The following DCDC2 variants were observed in gnomAD, a reference collection of about 807,000 sequenced individuals.
DCDC2 encodes the protein doublecortin domain-containing protein 2.
DCDC2 carries 40 observed loss-of-function variants against 50.2 expected under a neutral mutation model. That is an observed-to-expected ratio of 0.80 (90% confidence interval 0.62 to 1.04). The LOEUF (loss-of-function observed/expected upper bound fraction) is 1.04. Ranked by LOEUF, DCDC2 falls within the 50% of genes least tolerant of loss-of-function variation. The pLI, the probability that DCDC2 is intolerant of heterozygous loss-of-function variation, is 0.00. For synonymous variants in DCDC2, 234 were observed against 210.6 expected (o/e 1.11, Z -0.96); for missense variants, 570 against 581.9 (o/e 0.98, Z 0.21).
intron 7 of DCDC2, among the ~76,000 whole-genome samples, chr6:24,245,256 G>A (rs1382532732): frequency 1.3e-5 from 2 of 152,138 alleles, no homozygotes; most frequent in Admixed American, 6.6e-5. Flanking sequence ...AAGAGGAAAT[G>A]GACAGAAACT....
At chr6:24,344,160 T>C (rs1465600466) in intron 2 of DCDC2, among the ~76,000 whole-genome samples, 2 of 152,164 alleles carry the variant, frequency 1.3e-5, no homozygotes, top group African/African-American at 2.4e-5. Flanking sequence ...CATTTTTTTT[T>C]CTTCTATGAG....
upstream of DCDC2, among the ~76,000 whole-genome samples, chr6:24,362,245 T>C (rs1383745341): frequency 6.7e-6 from 1 of 150,078 alleles, no homozygotes; most frequent in Non-Finnish European, 1.5e-5. Context: ...TTTATTTAAT[T>C]GTATATTTAT....
At chr6:24,342,271 C>G (rs1760171756) in intron 2 of DCDC2, among the ~76,000 whole-genome samples, 2 of 152,158 alleles carry the variant, frequency 1.3e-5, no homozygotes, top group Non-Finnish European at 2.9e-5. Flanking sequence ...TTCCTCAAAC[C>G]CTTTACTTTC....
chr6:24,186,494 C>G (rs1039022599), intron 8 of DCDC2, among the ~76,000 whole-genome samples: 1 of 152,126 alleles, frequency 6.6e-6, no homozygotes, highest in Non-Finnish European at 1.5e-5. Flanking sequence ...CGTGCATGTG[C>G]GCACACACAC....
At position 24,199,933 on chromosome 6, in the gene DCDC2, C is replaced by A. The variant is rs1324654540; in HGVS notation, c.1023+5069G>T. 2.0e-5 allele frequency among the ~76,000 whole-genome samples: 3 copies of A among 151,972 alleles called. No homozygotes were observed. The East Asian group carries it at 5.8e-4, about 29-fold the overall frequency. On this transcript the variant is annotated intron_variant, in intron 8 of 9. Transcript: ENST00000378454. ...ATATCAGAGATTGAAGGTCAACTTA[C>A]TGAAATAAAGCGTGAAGACAAGATT...
intron 7 of DCDC2, among the ~76,000 whole-genome samples, chr6:24,271,284 C>T (rs1230638819): frequency 1.3e-5 from 2 of 150,460 alleles, no homozygotes; most frequent in Non-Finnish European, 3.0e-5. Flanking sequence ...TCAACCTGAC[C>T]TTGCAGGCAG....
At chr6:24,382,013 C>T in the DCDC2 span, among the ~76,000 whole-genome samples, 22 of 92,976 alleles carry the variant, frequency 2.4e-4, no homozygotes, top group African/African-American at 1.2e-3. Flanking sequence ...GGAAGGAAGG[C>T]AGGCAAGCTA....
chr6:24,210,848 T>C (rs1761851840), intron 7 of DCDC2, among the ~76,000 whole-genome samples: 1 of 152,124 alleles, frequency 6.6e-6, no homozygotes, highest in South Asian at 2.1e-4. Flanking sequence ...CTCCTCAAAC[T>C]GCATTTCGTA....
intron 2 of DCDC2, among the ~76,000 whole-genome samples, chr6:24,345,306 T>A (rs1363766551): frequency 1.3e-5 from 2 of 152,198 alleles, no homozygotes; most frequent in Non-Finnish European, 2.9e-5. Context: ...TCCTATAGTA[T>A]GTTTCATTAG....
intron 8 of DCDC2, among the ~76,000 whole-genome samples, chr6:24,184,300 T>C (rs1334765601): frequency 2.0e-5 from 3 of 152,168 alleles, no homozygotes; most frequent in Non-Finnish European, 4.4e-5. Context: ...AGGCTGGGCA[T>C]GGTGGCTCAC....
chr6:24,194,559 C>A (rs1761389870), intron 8 of DCDC2, among the ~76,000 whole-genome samples: 1 of 152,162 alleles, frequency 6.6e-6, no homozygotes, highest in African/African-American at 2.4e-5. Context: ...AGTTACTGGT[C>A]TGTGTTTCTG....
At chr6:24,360,757 A>AAG (rs1561790365), upstream of DCDC2, among the ~76,000 whole-genome samples, 1 of 152,252 alleles carries the variant, frequency 6.6e-6, no homozygotes, top group South Asian at 2.1e-4. Context: ...GTACGAATAA[A>AAG]AAGAACTGCC....
chr6:24,318,465 TA>T (rs758428186), intron 2 of DCDC2, among the ~76,000 whole-genome samples: 10 of 152,118 alleles, frequency 6.6e-5, no homozygotes, highest in Non-Finnish European at 1.2e-4. Flanking sequence ...ATATATTGCA[TA>T]GTGGTGAAGT....
intron 7 of DCDC2, among the ~76,000 whole-genome samples, chr6:24,272,911 A>G (rs1242492155): frequency 6.6e-6 from 1 of 152,182 alleles, no homozygotes; most frequent in Non-Finnish European, 1.5e-5. Context: ...CTGCACTTGT[A>G]TTTTTATCAC....
rs563464327 is a variant in DCDC2 at position 24,309,258 on chromosome 6, G to A, written c.349-7214C>T. On this transcript the variant is annotated intron_variant, in intron 2 of 9. Transcript: ENST00000378454. ...GAGAATCACTTGAACTCAGGAGGCAGAGGTTGCAGTGAGACGAGATCACGC... is the reference window on the plus strand; with the variant it reads ...GAGAATCACTTGAACTCAGGAGGCAAAGGTTGCAGTGAGACGAGATCACGC... Among the ~76,000 whole-genome samples, 20 of 151,318 alleles carry A rather than the reference G, an allele frequency of 1.3e-4. No individual in the cohort carries two copies. In the East Asian group the frequency reaches 3.9e-3, roughly 30 times the overall value.
intron 8 of DCDC2, among the ~76,000 whole-genome samples, chr6:24,194,357 T>C (rs28990375): frequency 0.15 from 23,210 of 152,216 alleles, 1,974 homozygotes; most frequent in Middle Eastern, 0.2. Context: ...CTGGGTTAAA[T>C]GCTATTTAAT....
chr6:24,316,691 C>T (rs1384745918), intron 2 of DCDC2, among the ~76,000 whole-genome samples: 2 of 151,938 alleles, frequency 1.3e-5, no homozygotes, highest in Non-Finnish European at 2.9e-5. Flanking sequence ...TGTGTTATAT[C>T]CTTTGACAGT....
chr6:24,316,738 G>T (rs754565147), intron 2 of DCDC2, among the ~76,000 whole-genome samples: 1 of 151,932 alleles, frequency 6.6e-6, no homozygotes, highest in Admixed American at 6.6e-5. Context: ...AAATAATTAA[G>T]ATGTGGAAAA....
At chr6:24,240,813 C>A (rs192841211) in intron 7 of DCDC2, among the ~76,000 whole-genome samples, 52 of 152,276 alleles carry the variant, frequency 3.4e-4, no homozygotes, top group Admixed American at 3.3e-3. Context: ...GCTATCGTAA[C>A]ACTTCTGCTG....
Sources: allele counts gnomAD v4.1 joint callset (sites outside exome capture counted in the v4.1 genomes callset), GRCh38; gene constraint gnomAD v4.1.1; transcripts MANE v1.5; gene names NCBI Gene and HGNC (gene_info 2026-07-23, HGNC 2026-07-21).